Variants in ANOS1 observed in about 807,000 individuals in gnomAD.
ANOS1 encodes anosmin 1, also known as anosmin-1.
Under a neutral mutation model 59.0 loss-of-function variants are expected in ANOS1, and 6 were observed. That is an observed-to-expected ratio of 0.10 (90% CI 0.06 to 0.20). The LOEUF (loss-of-function observed/expected upper bound fraction) is 0.20. Among genes scored for constraint, ANOS1 ranks in the 10% least tolerant of loss-of-function variants. The pLI is 1.00. For synonymous variants in ANOS1, 217 were observed against 223.4 expected, an observed-to-expected ratio of 0.97 and a Z score of 0.25; for missense variants, 433 against 542.3, an observed-to-expected ratio of 0.80 and a Z score of 2.00.
At position 8,682,354 on chromosome X, in the gene ANOS1, C is replaced by CCACACACACACACACACA. The variant is rs757532758; in HGVS notation, c.255+17326_255+17343dup. Among the ~76,000 whole-genome samples the CCACACACACACACACACA allele has an allele frequency of 5.3e-3, 537 of 101,601 alleles. 7 individuals are homozygous for CCACACACACACACACACA. Among genetic ancestry groups the CCACACACACACACACACA allele is most frequent in the African/African-American group, 0.018 (501 of 27,295 alleles). 88.2% of individuals were successfully genotyped at this position (101,601 alleles called of 115,157 possible). On this transcript the variant is annotated intron_variant, in intron 2 of 13. Transcript: ENST00000262648. Reference sequence around the variant, plus strand: ...CTTTTTTCGGAAAACGAGAATTTCACCACACACACACACACACACACACAT... The same window carrying CCACACACACACACACACA: ...CTTTTTTCGGAAAACGAGAATTTCACCACACACACACACACACACACACACACACACACACACACACAT...
chrX:8,547,995 G>A (rs779552268), intron 9 of ANOS1, among the ~76,000 whole-genome samples: 1 of 112,181 alleles, frequency 8.9e-6, no homozygotes, highest in Non-Finnish European at 1.9e-5. Flanking sequence ...GATTACAGGC[G>A]TGAGCCACCG....
intron 7 of ANOS1, among the ~76,000 whole-genome samples, chrX:8,569,438 A>G (rs144043860): frequency 8.0e-5 from 9 of 112,106 alleles, no homozygotes; most frequent in Admixed American, 1.9e-4. Context: ...GTCAGGAGAT[A>G]GAGATCATCC....
intron 2 of ANOS1, among the ~76,000 whole-genome samples, chrX:8,669,281 G>T (rs1309886793): frequency 8.9e-6 from 1 of 111,848 alleles, no homozygotes; most frequent in East Asian, 2.8e-4. Flanking sequence ...AGGAAATCAT[G>T]GTATAAGATA....
intron 2 of ANOS1, among the ~76,000 whole-genome samples, chrX:8,694,161 G>A (rs1400940529): frequency 3.6e-5 from 4 of 112,003 alleles, no homozygotes; most frequent in Admixed American, 9.5e-5. Flanking sequence ...GGGCATAGTA[G>A]ATGCTCAGTG....
At chrX:8,550,296 G>C (rs758787020) in intron 9 of ANOS1, among the ~76,000 whole-genome samples, 1 of 111,510 alleles carries the variant, frequency 9.0e-6, no homozygotes, top group Admixed American at 9.6e-5. Context: ...ATATTAAAAA[G>C]TATCATACTT....
At chrX:8,588,031 T>C in intron 4 of ANOS1, 53 bp from the exon 5 acceptor site, 1 of 1,050,546 alleles carries the variant, frequency 9.5e-7, no homozygotes, top group Non-Finnish European at 1.3e-6. Flanking sequence ...CAAATTGAAG[T>C]AAAAGTTGAG....
chrX:8,641,855 G>GT (rs371529093), intron 2 of ANOS1, among the ~76,000 whole-genome samples: 3 of 111,234 alleles, frequency 2.7e-5, no homozygotes, highest in African/African-American at 9.8e-5. Flanking sequence ...ATTCTGCCGG[G>GT]TTTTTTTCCC....
chrX:8,724,890 T>C (rs1450743080), intron 1 of ANOS1, among the ~76,000 whole-genome samples: 1 of 111,926 alleles, frequency 8.9e-6, no homozygotes, highest in Non-Finnish European at 1.9e-5. Context: ...GAAAGAGTTA[T>C]GGCTATCTTT....
rs770773632 is a variant in ANOS1 at position 8,676,747 on chromosome X, C to T, written c.255+22951G>A. Among the ~76,000 whole-genome samples the T allele has an allele frequency of 4.1e-3, 464 of 111,969 alleles. 5 individuals carry two copies. The highest frequency in any genetic ancestry group is 0.015 in the African/African-American group (448 of 30,818). ...CTCACCTGTAATAAACAGAGAGCTT[C>T]TCTGTTTTACAGTGTTACAAAATTA... On this transcript the variant is annotated intron_variant, in intron 2 of 13. Coordinates refer to ENST00000262648, the MANE Select transcript of ANOS1 (RefSeq NM_000216.4).
At chrX:8,659,749 C>T (rs1177170523) in intron 2 of ANOS1, among the ~76,000 whole-genome samples, 1 of 109,267 alleles carries the variant, frequency 9.2e-6, no homozygotes, top group African/African-American at 3.3e-5. Flanking sequence ...CTGCCTCAGC[C>T]TCCCGAGTAG....
intron 2 of ANOS1, among the ~76,000 whole-genome samples, chrX:8,694,489 A>G (rs1184017580): frequency 9.0e-6 from 1 of 111,198 alleles, no homozygotes; most frequent in Non-Finnish European, 1.9e-5. Context: ...GCCAACATGG[A>G]GAAACCCTGT....
chrX:8,668,018 T>C, intron 2 of ANOS1, among the ~76,000 whole-genome samples: 1 of 110,667 alleles, frequency 9.0e-6, no homozygotes, highest in Non-Finnish European at 1.9e-5. Flanking sequence ...TCAGGCGTAT[T>C]TAAGGTATTT....
chrX:8,690,707 T>C (rs752806833), intron 2 of ANOS1, among the ~76,000 whole-genome samples: 2 of 111,930 alleles, frequency 1.8e-5, no homozygotes, highest in African/African-American at 3.2e-5. Context: ...ATTTCACAGA[T>C]GGCAAATGAA....
chrX:8,633,187 C>A (rs1931517399), intron 2 of ANOS1, among the ~76,000 whole-genome samples: 2 of 111,627 alleles, frequency 1.8e-5, no homozygotes, highest in Admixed American at 1.9e-4. Context: ...CAGCATCAGG[C>A]CTGAGACGTT....
chrX:8,711,989 T>A (rs1932815326), intron 1 of ANOS1, among the ~76,000 whole-genome samples: 1 of 112,850 alleles, frequency 8.9e-6, no homozygotes, highest in African/African-American at 3.2e-5. Flanking sequence ...ATTCTTAGTA[T>A]AATTTCAAAT....
Position 8,587,987 on chromosome X carries a change from G to C in ANOS1, c.542-9C>G. 8.4e-7 allele frequency: 1 copy of C among 1,196,477 alleles called. No homozygotes were observed. ...GGGCTTCAGGGGGACACCTGAAACA[G>C]GACCGTATCAATTAAAACAATCTGC... On this transcript the variant is annotated splice_polypyrimidine_tract_variant and intron_variant, in intron 4 of 13. Coordinates refer to ENST00000262648, the MANE Select transcript of ANOS1 (RefSeq NM_000216.4).
At chrX:8,670,531 C>T (rs1156811721) in intron 2 of ANOS1, among the ~76,000 whole-genome samples, 1 of 110,795 alleles carries the variant, frequency 9.0e-6, no homozygotes, top group Non-Finnish European at 1.9e-5. Flanking sequence ...TGTTTAATTA[C>T]CATTGAGGGA....
chrX:8,566,295 CA>C, intron 8 of ANOS1: 3 of 726,470 alleles, frequency 4.1e-6, no homozygotes, highest in South Asian at 7.1e-5. Context: ...AGGCAGAAAC[CA>C]AAATACATCA....
intron 2 of ANOS1, among the ~76,000 whole-genome samples, chrX:8,670,379 C>T (rs779797931): frequency 3.6e-5 from 4 of 111,031 alleles, no homozygotes; most frequent in East Asian, 2.8e-4. Context: ...TGGATGCAGC[C>T]GAGAGTTGGG....
Sources: allele counts gnomAD v4.1 joint callset (sites outside exome capture counted in the v4.1 genomes callset), GRCh38; gene constraint gnomAD v4.1.1; transcripts MANE v1.5; gene names NCBI Gene and HGNC (gene_info 2026-07-23, HGNC 2026-07-21).